The following TSPAN18 variants were observed in gnomAD, a reference collection of about 807,000 sequenced individuals.
TSPAN18 encodes tetraspanin 18, also known as tetraspanin-18.
In TSPAN18, 14 loss-of-function variants were observed where a neutral mutation model predicts 27.3. The ratio of observed to expected loss-of-function variants is 0.51; its 90% CI spans 0.34 to 0.80. TSPAN18 has a LOEUF of 0.80. TSPAN18 is among the 30% of genes least tolerant of loss of function. The pLI is 0.01. For synonymous variants in TSPAN18, 143 were observed against 136.5 expected (o/e 1.05, Z -0.33); for missense variants, 268 against 323.9 (o/e 0.83, Z 1.32).
At chr11:44,773,060 A>G (rs981453797) in intron 2 of TSPAN18, among the ~76,000 whole-genome samples, 1 of 152,194 alleles carries the variant, frequency 6.6e-6, no homozygotes, top group Non-Finnish European at 1.5e-5. Context: ...ACCTATGCAA[A>G]CACAATGTGT....
chr11:44,850,202 G>A (rs1207151506), intron 2 of TSPAN18, among the ~76,000 whole-genome samples: 1 of 152,240 alleles, frequency 6.6e-6, no homozygotes, highest in Non-Finnish European at 1.5e-5. Context: ...CCCCGACATG[G>A]CTGATTTATT....
intron 2 of TSPAN18, among the ~76,000 whole-genome samples, chr11:44,784,309 G>T (rs764030703): frequency 6.6e-6 from 1 of 152,140 alleles, no homozygotes; most frequent in Non-Finnish European, 1.5e-5. Context: ...CTGTACCAGC[G>T]TATGTCAGCA....
intron 2 of TSPAN18, among the ~76,000 whole-genome samples, chr11:44,835,848 CTGT>C (rs1012464691): frequency 1.3e-5 from 2 of 152,070 alleles, no homozygotes; most frequent in East Asian, 1.9e-4. Flanking sequence ...ATTAATATGT[CTGT>C]TGTTGTGATC....
At chr11:44,903,591 G>C (rs562712981) in intron 3 of TSPAN18, 5 of 456,578 alleles carry the variant, frequency 1.1e-5, no homozygotes, top group African/African-American at 1.0e-4. Context: ...CAGCCCAGAG[G>C]CTGCAGCCAT....
chr11:44,774,590 C>T (rs73450639), intron 2 of TSPAN18, among the ~76,000 whole-genome samples: 10,759 of 152,282 alleles, frequency 0.071, 557 homozygotes, highest in African/African-American at 0.15. Context: ...TTGGGGACCT[C>T]CCAGCTCTTG....
At chr11:44,837,841 T>A (rs1857293633) in intron 2 of TSPAN18, among the ~76,000 whole-genome samples, 1 of 152,084 alleles carries the variant, frequency 6.6e-6, no homozygotes, top group South Asian at 2.1e-4. Flanking sequence ...GGTATTTACA[T>A]TTTTTTTAAA....
chr11:44,822,833 C>T (rs1251523693), intron 2 of TSPAN18, among the ~76,000 whole-genome samples: 4 of 152,162 alleles, frequency 2.6e-5, no homozygotes, highest in Non-Finnish European at 4.4e-5. Flanking sequence ...TTCACTTTCT[C>T]CAATTGTATA....
chr11:44,898,872 T>C (rs971485611), intron 3 of TSPAN18, among the ~76,000 whole-genome samples: 8 of 152,252 alleles, frequency 5.3e-5, no homozygotes, highest in African/African-American at 1.9e-4. Context: ...GACTTTTGAA[T>C]GTGTGTCACA....
chr11:44,904,813 G>A (rs565743721), intron 3 of TSPAN18, among the ~76,000 whole-genome samples: 9 of 152,204 alleles, frequency 5.9e-5, no homozygotes, highest in South Asian at 2.1e-4. Context: ...GGTTTTGGGC[G>A]AGGGCGAGGA....
At chr11:44,892,729 T>C (rs972192763) in intron 3 of TSPAN18, among the ~76,000 whole-genome samples, 1 of 152,176 alleles carries the variant, frequency 6.6e-6, no homozygotes, top group Non-Finnish European at 1.5e-5. Flanking sequence ...GATTGGGGGC[T>C]CAGAGTCCTC....
intron 3 of TSPAN18, among the ~76,000 whole-genome samples, chr11:44,861,321 G>T (rs141929731): frequency 2.9e-4 from 44 of 149,510 alleles, no homozygotes; most frequent in Non-Finnish European, 2.4e-4. Context: ...CCCAATCACT[G>T]AAACCTGGAG....
intron 2 of TSPAN18, among the ~76,000 whole-genome samples, chr11:44,849,831 C>A (rs1035276261): frequency 6.6e-6 from 1 of 152,146 alleles, no homozygotes; most frequent in Non-Finnish European, 1.5e-5. Flanking sequence ...GTTTAAAGAC[C>A]CCTCCCACAT....
rs188135815 is a variant in TSPAN18, at chr11:44,861,477, G to A, written c.-11+1008G>A. Reference sequence around the variant, plus strand: ...GGGGTGGGGGCGGTCGGTGCTGGGCGGGGGGTCGGTGGTTGGGGGTGGTGT... The same window carrying A: ...GGGGTGGGGGCGGTCGGTGCTGGGCAGGGGGTCGGTGGTTGGGGGTGGTGT... On this transcript the variant is annotated intron_variant, in intron 3 of 9. Transcript: ENST00000520358. Among the ~76,000 whole-genome samples the A allele has an allele frequency of 5.2e-4, 76 of 146,924 alleles. 1 individual carries two copies. In the East Asian group the frequency reaches 0.013, roughly 26 times the overall value.
At chr11:44,911,408 C>T (rs1215408182) in intron 5 of TSPAN18, among the ~76,000 whole-genome samples, 1 of 152,180 alleles carries the variant, frequency 6.6e-6, no homozygotes, top group Admixed American at 6.5e-5. Context: ...GTGAAGTCAG[C>T]TGCGAAATGA....
chr11:44,899,017 A>G (rs539617003), intron 3 of TSPAN18, among the ~76,000 whole-genome samples: 149 of 152,314 alleles, frequency 9.8e-4, no homozygotes, highest in African/African-American at 3.4e-3. Flanking sequence ...TTGCTGTGAC[A>G]GGCACATGAA....
intron 4 of TSPAN18, among the ~76,000 whole-genome samples, chr11:44,908,831 A>AGGAAGGAAGGAAAG (rs1590671451): frequency 1.0e-5 from 1 of 96,160 alleles, no homozygotes; most frequent in African/African-American, 4.2e-5. Context: ...AAGAAAGAAA[A>AGGAAGGAAGGAAAG]AGAAAAATGG....
At chr11:44,807,527 C>CAAAAAAAA (rs59241339) in intron 2 of TSPAN18, among the ~76,000 whole-genome samples, 17 of 64,456 alleles carry the variant, frequency 2.6e-4, no homozygotes, top group African/African-American at 6.7e-4. Flanking sequence ...AACTCCATCT[C>CAAAAAAAA]AAAAAAAAAA....
chr11:44,896,399 T>C (rs1213271602), intron 3 of TSPAN18, among the ~76,000 whole-genome samples: 1 of 152,122 alleles, frequency 6.6e-6, no homozygotes, highest in Non-Finnish European at 1.5e-5. Context: ...ACTGTGGGGA[T>C]GATGGTGTGA....
Position 44,748,811 on chromosome 11 carries a change from C to T in TSPAN18, c.-239-15615C>T, listed in dbSNP as rs183695467. Among the ~76,000 whole-genome samples the T allele has an allele frequency of 4.3e-4, 65 of 152,264 alleles. No individual in the cohort carries two copies. The East Asian group carries it at 7.9e-3, about 19-fold the overall frequency. On this transcript the variant is annotated intron_variant, in intron 1 of 9. Transcript: ENST00000520358. Reference sequence around the variant, plus strand: ...GGCGGAAATCAAGACAAAGATTTTGCGTTTCCTGCACCACATCCACCAGAA... The same window carrying T: ...GGCGGAAATCAAGACAAAGATTTTGTGTTTCCTGCACCACATCCACCAGAA...
Sources: gnomAD v4.1 joint callset for allele counts (sites outside exome capture counted in the v4.1 genomes callset) on GRCh38, gnomAD v4.1.1 for gene constraint, MANE v1.5 for transcripts, NCBI Gene and HGNC (gene_info 2026-07-23, HGNC 2026-07-21) for gene names.